The following KCNH5 variants were observed in gnomAD, a reference collection of about 807,000 sequenced individuals.
KCNH5 encodes the protein voltage-gated delayed rectifier potassium channel KCNH5.
Under a neutral mutation model 96.1 loss-of-function variants are expected in KCNH5, and 46 were observed. The observed-to-expected ratio is 0.48, with a 90% CI of 0.38 to 0.61. The LOEUF (loss-of-function observed/expected upper bound fraction) is 0.61. Ranked by LOEUF, KCNH5 falls within the 20% of genes least tolerant of loss-of-function variation. The probability of loss-of-function intolerance (pLI) is 0.00; values close to 1 mark genes in which losing one functional copy is unlikely to be tolerated. For synonymous variants in KCNH5, 439 were observed against 449.8 expected, an observed-to-expected ratio of 0.98 and a Z score of 0.30; for missense variants, 907 against 1,225.8, an observed-to-expected ratio of 0.74 and a Z score of 3.88.
intron 9 of KCNH5, among the ~76,000 whole-genome samples, chr14:62,782,082 C>A (rs914558275): frequency 5.9e-5 from 9 of 152,136 alleles, no homozygotes; most frequent in South Asian, 2.1e-4. Flanking sequence ...GTTTGGGGTC[C>A]CTGACTTCCC....
intron 7 of KCNH5, among the ~76,000 whole-genome samples, chr14:62,948,358 C>T (rs1222350381): frequency 6.6e-6 from 1 of 152,064 alleles, no homozygotes; most frequent in Non-Finnish European, 1.5e-5. Flanking sequence ...ATACAAACTA[C>T]CATCAGAGAA....
At chr14:62,747,476 A>T (rs1236736398) in intron 10 of KCNH5, among the ~76,000 whole-genome samples, 2 of 152,232 alleles carry the variant, frequency 1.3e-5, no homozygotes, top group Non-Finnish European at 1.5e-5. Flanking sequence ...ATATTTGTAT[A>T]ATAACTCTAT....
chr14:62,708,568 A>G (rs1884495531), intron 10 of KCNH5, 113 bp from the exon 11 acceptor site: 1 of 629,654 alleles, frequency 1.6e-6, no homozygotes, highest in Non-Finnish European at 2.5e-6. Flanking sequence ...TGAATATTTG[A>G]TAAGATTATT....
chr14:63,036,163 T>C lies in KCNH5; in HGVS notation c.73+8951A>G, dbSNP rs554130461. ...ATATGTCACACATGTCATTCCTCCCTCTTGGAGACCTTTAGTTTCTGAGGT... is the reference window on the plus strand; with the variant it reads ...ATATGTCACACATGTCATTCCTCCCCCTTGGAGACCTTTAGTTTCTGAGGT... On this transcript the variant is annotated intron_variant, in intron 1 of 10. Transcript: ENST00000322893. 3.9e-4 allele frequency among the ~76,000 whole-genome samples: 59 copies of C among 152,340 alleles called. 2 individuals carry two copies. The South Asian group carries it at 0.011, about 28-fold the overall frequency.
intron 3 of KCNH5, among the ~76,000 whole-genome samples, chr14:63,003,517 T>C (rs1594669858): frequency 8.6e-6 from 1 of 116,304 alleles, no homozygotes; most frequent in African/African-American, 3.5e-5. Flanking sequence ...ATATATATTT[T>C]ATATATTTTA....
intron 9 of KCNH5, among the ~76,000 whole-genome samples, chr14:62,799,995 AGAG>A (rs991261432): frequency 4.0e-5 from 6 of 151,184 alleles, no homozygotes; most frequent in South Asian, 4.2e-4. Context: ...GAGGAGAAGA[AGAG>A]GAAGAAGAGG....
chr14:63,003,516 T>TATATATTTTATATATATTATA (rs1566536795), intron 3 of KCNH5, among the ~76,000 whole-genome samples: 4 of 91,458 alleles, frequency 4.4e-5, no homozygotes, highest in Admixed American at 1.1e-4. Context: ...TATATATATT[T>TATATATTTTATATATATTATA]TATATATTTT....
At chr14:62,985,671 AT>A (rs918872236) in intron 5 of KCNH5, among the ~76,000 whole-genome samples, 2 of 151,896 alleles carry the variant, frequency 1.3e-5, no homozygotes, top group Non-Finnish European at 2.9e-5. Context: ...TTCTGTCCTC[AT>A]TTTTTTTCTC....
At chr14:62,949,999 A>G in intron 7 of KCNH5, 134 bp downstream of exon 7, 1 of 719,160 alleles carries the variant, frequency 1.4e-6, no homozygotes, top group South Asian at 1.9e-5. Context: ...AGGTAGATTA[A>G]AAAAAACAAT....
At chr14:62,790,581 T>G (rs1056347201) in intron 9 of KCNH5, among the ~76,000 whole-genome samples, 8 of 139,922 alleles carry the variant, frequency 5.7e-5, no homozygotes, top group African/African-American at 2.1e-4. Context: ...TCTTTCCTTC[T>G]TTTTTTTTTT....
intron 2 of KCNH5, among the ~76,000 whole-genome samples, chr14:63,015,752 C>T (rs919159414): frequency 1.3e-5 from 2 of 151,744 alleles, no homozygotes; most frequent in African/African-American, 4.8e-5. Flanking sequence ...AAAAGTCAGC[C>T]CTCTGTACCC....
At chr14:62,872,964 C>G (rs1193366773) in intron 7 of KCNH5, among the ~76,000 whole-genome samples, 1 of 152,026 alleles carries the variant, frequency 6.6e-6, no homozygotes, top group Non-Finnish European at 1.5e-5. Context: ...TCCTAGCTAA[C>G]ACAGTGAAAC....
intron 8 of KCNH5, among the ~76,000 whole-genome samples, chr14:62,825,596 G>A (rs1206346126): frequency 6.6e-6 from 1 of 151,880 alleles, no homozygotes; most frequent in Non-Finnish European, 1.5e-5. Flanking sequence ...ACTAAGACAG[G>A]ACCAAGAGAA....
intron 10 of KCNH5, among the ~76,000 whole-genome samples, chr14:62,745,605 A>G (rs1885359559): frequency 6.6e-6 from 1 of 152,144 alleles, no homozygotes; most frequent in Non-Finnish European, 1.5e-5. Context: ...GACTCCAAAC[A>G]TCATGTCTGT....
chr14:62,922,502 T>A (rs1026559010), intron 7 of KCNH5, among the ~76,000 whole-genome samples: 1 of 151,962 alleles, frequency 6.6e-6, no homozygotes, highest in Non-Finnish European at 1.5e-5. Flanking sequence ...ATGTTAAGTG[T>A]TGGTTGTATC....
Position 62,703,385 on chromosome 14 carries a change from A to G in KCNH5, c.*4123T>C, listed in dbSNP as rs925615749. The G allele has an allele frequency of 6.6e-6, 1 of 151,964 alleles. No homozygotes were observed. Among genetic ancestry groups the G allele is most frequent in the Non-Finnish European group, 1.5e-5 (1 of 67,816 alleles). The allele number at this position is 151,964 out of a possible 1,614,324, so 9.4% of individuals were successfully genotyped here. A position where few individuals can be genotyped will look rare whatever the true frequency, so the allele number is the denominator to read the frequency against. ...TACATCGTGGATACTCTTCTATGAA[A>G]GAATGAAAAAGTGATCACTTGTCAT... On this transcript the variant is annotated 3_prime_UTR_variant, in exon 11 of 11. Transcript: ENST00000322893.
chr14:62,760,444 G>A (rs760851269), intron 10 of KCNH5, among the ~76,000 whole-genome samples: 19 of 152,228 alleles, frequency 1.2e-4, no homozygotes, highest in African/African-American at 2.2e-4. Context: ...AGGGGAAATC[G>A]GCCTCTTCTT....
chr14:62,776,346 C>T (rs915952805), intron 10 of KCNH5, among the ~76,000 whole-genome samples: 4 of 152,016 alleles, frequency 2.6e-5, no homozygotes, highest in Non-Finnish European at 4.4e-5. Context: ...TTCCTTCCCA[C>T]CTCCCATCTC....
At position 63,043,484 on chromosome 14, in the gene KCNH5, T is replaced by C. The variant is rs987646290; in HGVS notation, c.73+1630A>G. ...ATATCCCCTTGTATTATAGGTTTAG[T>C]ATAATCTTAATACAAGAAGGTAATC... is the stretch of plus-strand genomic sequence containing the variant. On this transcript the variant is annotated intron_variant, in intron 1 of 10. Coordinates refer to ENST00000322893, the MANE Select transcript of KCNH5 (RefSeq NM_139318.5). Among the ~76,000 whole-genome samples the C allele has an allele frequency of 2.6e-5, 4 of 152,328 alleles. No homozygotes were observed. The East Asian group carries it at 7.7e-4, about 29-fold the overall frequency.
Sources: allele counts gnomAD v4.1 joint callset (sites outside exome capture counted in the v4.1 genomes callset), GRCh38; gene constraint gnomAD v4.1.1; transcripts MANE v1.5; gene names NCBI Gene and HGNC (gene_info 2026-07-23, HGNC 2026-07-21).